Variants in GALNTL6 observed in about 807,000 individuals in gnomAD.
GALNTL6 encodes the protein polypeptide N-acetylgalactosaminyltransferase-like 6.
A neutral mutation model predicts 73.7 loss-of-function variants in GALNTL6; 46 were observed. The observed-to-expected ratio is 0.62, with a 90% CI of 0.49 to 0.80. The LOEUF (loss-of-function observed/expected upper bound fraction) is 0.80. Ranked by LOEUF, GALNTL6 falls within the 30% of genes least tolerant of loss-of-function variation. The pLI is 0.00. For missense variants in GALNTL6, 604 were observed against 755.0 expected (o/e 0.80, Z 2.34); for synonymous variants, 259 against 263.7 (o/e 0.98, Z 0.17).
chr4:172,495,979 G>T (rs1373740426), intron 5 of GALNTL6, among the ~76,000 whole-genome samples: 1 of 152,150 alleles, frequency 6.6e-6, no homozygotes, highest in Non-Finnish European at 1.5e-5. Flanking sequence ...AGCTTGCCAA[G>T]AATTGCATAA....
chr4:171,923,786 CTG>C (rs563244976), intron 2 of GALNTL6, among the ~76,000 whole-genome samples: 35,529 of 133,040 alleles, frequency 0.27, 5,095 homozygotes, highest in South Asian at 0.36. Flanking sequence ...AAAAGTATTG[CTG>C]TGTGTGTGTG....
chr4:172,645,534 C>T (rs76735338), intron 5 of GALNTL6, among the ~76,000 whole-genome samples: 2,740 of 151,836 alleles, frequency 0.018, 46 homozygotes, highest in Middle Eastern at 0.048. Flanking sequence ...CCAATCAGTT[C>T]CAGTGGTATC....
chr4:172,804,380 C>T (rs1740832407), intron 5 of GALNTL6, among the ~76,000 whole-genome samples: 1 of 152,310 alleles, frequency 6.6e-6, no homozygotes, highest in East Asian at 1.9e-4. Context: ...GATCTTATGG[C>T]AATCAGCCAA....
At chr4:172,531,234 A>G (rs912318341) in intron 5 of GALNTL6, among the ~76,000 whole-genome samples, 1 of 152,184 alleles carries the variant, frequency 6.6e-6, no homozygotes, top group Admixed American at 6.5e-5. Context: ...GTGGAGCTAC[A>G]GTGTGCAGCA....
intron 5 of GALNTL6, among the ~76,000 whole-genome samples, chr4:172,366,510 A>G (rs1023778515): frequency 2.0e-5 from 3 of 152,158 alleles, no homozygotes; most frequent in African/African-American, 7.2e-5. Flanking sequence ...CTGATTGCCA[A>G]ACATAGATGA....
chr4:172,764,631 A>C (rs1738301900), intron 5 of GALNTL6, among the ~76,000 whole-genome samples: 1 of 152,178 alleles, frequency 6.6e-6, no homozygotes, highest in African/African-American at 2.4e-5. Context: ...TAAATGCTCA[A>C]TTGTTGAGTC....
At chr4:172,612,030 A>AT (rs1560835444) in intron 5 of GALNTL6, among the ~76,000 whole-genome samples, 1 of 152,094 alleles carries the variant, frequency 6.6e-6, no homozygotes. Context: ...CTCGTCATCT[A>AT]TTTTTTGAAA....
At chr4:172,757,594 G>A (rs1737824013) in intron 5 of GALNTL6, among the ~76,000 whole-genome samples, 1 of 152,156 alleles carries the variant, frequency 6.6e-6, no homozygotes, top group Non-Finnish European at 1.5e-5. Context: ...ATACAAAGTA[G>A]AAACATCAAT....
intron 10 of GALNTL6, among the ~76,000 whole-genome samples, chr4:172,975,872 C>T (rs1750783141): frequency 6.6e-6 from 1 of 152,192 alleles, no homozygotes; most frequent in African/African-American, 2.4e-5. Flanking sequence ...AGAAGCCAGA[C>T]AGCAGGAGTA....
chr4:172,810,583 G>A (rs1035467136), intron 6 of GALNTL6, among the ~76,000 whole-genome samples: 14 of 152,096 alleles, frequency 9.2e-5, no homozygotes, highest in Admixed American at 7.2e-4. Flanking sequence ...AGCTCCCTTA[G>A]TAAAAGATGT....
chr4:172,397,342 A>G (rs1333136360), intron 5 of GALNTL6, among the ~76,000 whole-genome samples: 1 of 152,154 alleles, frequency 6.6e-6, no homozygotes, highest in African/African-American at 2.4e-5. Flanking sequence ...CTGGAATTTG[A>G]GGGCAAGATT....
At chr4:172,515,473 G>C (rs1264116562) in intron 5 of GALNTL6, among the ~76,000 whole-genome samples, 1 of 152,204 alleles carries the variant, frequency 6.6e-6, no homozygotes, top group Admixed American at 6.5e-5. Flanking sequence ...GAATATTTAG[G>C]CTTCTCTGTG....
chr4:172,338,198 T>G (rs1257680274), intron 4 of GALNTL6, among the ~76,000 whole-genome samples: 1 of 152,210 alleles, frequency 6.6e-6, no homozygotes, highest in African/African-American at 2.4e-5. Flanking sequence ...GTGTTGATTT[T>G]CAACCTTGTC....
At chr4:171,892,077 A>G (rs1736777549) in intron 2 of GALNTL6, among the ~76,000 whole-genome samples, 1 of 152,218 alleles carries the variant, frequency 6.6e-6, no homozygotes, top group Non-Finnish European at 1.5e-5. Flanking sequence ...ACTTTGTTTC[A>G]TGCACACAAT....
At chr4:172,438,253 A>G (rs1259696206) in intron 5 of GALNTL6, among the ~76,000 whole-genome samples, 3 of 152,086 alleles carry the variant, frequency 2.0e-5, no homozygotes, top group African/African-American at 7.2e-5. Context: ...CCAGATGACT[A>G]TGACTTCCAC....
At chr4:172,730,008 A>G (rs1290891929) in intron 5 of GALNTL6, among the ~76,000 whole-genome samples, 1 of 152,084 alleles carries the variant, frequency 6.6e-6, no homozygotes. Flanking sequence ...CAATGGAATT[A>G]CTTTCATGAT....
At chr4:172,408,227 T>C (rs1744305524) in intron 5 of GALNTL6, among the ~76,000 whole-genome samples, 1 of 152,056 alleles carries the variant, frequency 6.6e-6, no homozygotes, top group Admixed American at 6.6e-5. Context: ...AATCTCTATA[T>C]ACAGAATCCA....
In GALNTL6 at chr4:172,375,193, G is replaced by C. The variant is rs185287448; in HGVS notation, c.553+26504G>C. Among the ~76,000 whole-genome samples, 400 of 152,248 alleles carry C rather than the reference G, an allele frequency of 2.6e-3. 3 individuals carry two copies. The highest frequency in any genetic ancestry group is 9.1e-3 in the African/African-American group (378 of 41,532). On this transcript the variant is annotated intron_variant, in intron 5 of 12. Coordinates refer to ENST00000506823, the MANE Select transcript of GALNTL6 (RefSeq NM_001034845.3). ...TAAATTGCAAGCTTTGCATAGTTGTGTATTCTCCCTCAATGAAAAGAAAGC... is the reference window on the plus strand; with the variant it reads ...TAAATTGCAAGCTTTGCATAGTTGTCTATTCTCCCTCAATGAAAAGAAAGC...
rs1160722037 is a variant in GALNTL6 at position 172,158,122 on chromosome 4, T to C, written c.139-71534T>C. On this transcript the variant is annotated intron_variant, in intron 2 of 12. Transcript: ENST00000506823. Reference sequence around the variant, plus strand: ...CCAGATTTGATTCACCTCAGGTGCATGGTTCTACTGAGAAAGTAATCAGCA... The same window carrying C: ...CCAGATTTGATTCACCTCAGGTGCACGGTTCTACTGAGAAAGTAATCAGCA... Among the ~76,000 whole-genome samples, 3 of 152,202 alleles carry C rather than the reference T, an allele frequency of 2.0e-5. No homozygotes were observed. In the East Asian group the frequency reaches 5.8e-4, roughly 29 times the overall value.
Sources: gnomAD v4.1 joint callset for allele counts (sites outside exome capture counted in the v4.1 genomes callset) on GRCh38, gnomAD v4.1.1 for gene constraint, MANE v1.5 for transcripts, NCBI Gene and HGNC (gene_info 2026-07-23, HGNC 2026-07-21) for gene names.